Variants in TMEM232 observed in about 807,000 individuals in gnomAD.
TMEM232 encodes the protein transmembrane protein 232.
TMEM232 carries 80 observed loss-of-function variants against 78.8 expected under a neutral mutation model. The ratio of observed to expected loss-of-function variants is 1.01; its 90% CI spans 0.85 to 1.22. The LOEUF (loss-of-function observed/expected upper bound fraction) is 1.22. Ranked by LOEUF, TMEM232 falls within the 50% of genes most tolerant of loss-of-function variation. The pLI is 0.00. For synonymous variants in TMEM232, 297 were observed against 254.3 expected (o/e 1.17, Z -1.60); for missense variants, 881 against 742.2 (o/e 1.19, Z -2.17).
chr5:110,529,161 A>G (rs1382136541), intron 11 of TMEM232, among the ~76,000 whole-genome samples: 1 of 152,210 alleles, frequency 6.6e-6, no homozygotes, highest in African/African-American at 2.4e-5. Context: ...TAAGAAATTA[A>G]GCAATCAGTT....
chr5:110,394,800 T>A (rs757408563), intron 3 of TMEM232, among the ~76,000 whole-genome samples: 2 of 152,202 alleles, frequency 1.3e-5, no homozygotes, highest in Non-Finnish European at 2.9e-5. Flanking sequence ...AGAGGGCTTT[T>A]TCTGAAAGAG....
At chr5:110,593,090 C>T (rs1779723393) in intron 10 of TMEM232, among the ~76,000 whole-genome samples, 1 of 152,006 alleles carries the variant, frequency 6.6e-6, no homozygotes, top group African/African-American at 2.4e-5. Flanking sequence ...AAACAATGAC[C>T]AAGAATGACT....
intron 12 of TMEM232, among the ~76,000 whole-genome samples, chr5:110,494,098 A>C (rs969020253): frequency 1.3e-5 from 2 of 151,676 alleles, no homozygotes; most frequent in Non-Finnish European, 2.9e-5. Flanking sequence ...ACATGAACTC[A>C]CCCTTTTTAT....
chr5:110,684,216 A>AT (rs1793115075), intron 1 of TMEM232, among the ~76,000 whole-genome samples: 1 of 152,036 alleles, frequency 6.6e-6, no homozygotes, highest in Non-Finnish European at 1.5e-5. Context: ...AGTCAAGAAT[A>AT]ACCTTAAAAA....
At chr5:110,475,273 A>G (rs1258920240) in intron 12 of TMEM232, among the ~76,000 whole-genome samples, 2 of 151,890 alleles carry the variant, frequency 1.3e-5, no homozygotes, top group African/African-American at 4.8e-5. Context: ...AGGAAAGGCT[A>G]TATTTTTAGT....
At chr5:110,696,374 T>A (rs1794782773) in intron 1 of TMEM232, among the ~76,000 whole-genome samples, 1 of 152,152 alleles carries the variant, frequency 6.6e-6, no homozygotes, top group Non-Finnish European at 1.5e-5. Flanking sequence ...CTGGAAGCAT[T>A]CCCTTTGAAA....
At chr5:110,413,572 C>T (rs1009770193) in intron 2 of TMEM232, among the ~76,000 whole-genome samples, 1 of 152,120 alleles carries the variant, frequency 6.6e-6, no homozygotes, top group African/African-American at 2.4e-5. Flanking sequence ...ATAATCTGGA[C>T]CAAACTTATC....
At chr5:110,705,411 T>C (rs1561544283) in intron 1 of TMEM232, among the ~76,000 whole-genome samples, 2 of 152,012 alleles carry the variant, frequency 1.3e-5, no homozygotes, top group Non-Finnish European at 2.9e-5. Flanking sequence ...TCAGAAGGAA[T>C]ATAAGGGTTG....
chr5:110,695,509 C>T (rs1471006872), intron 1 of TMEM232, among the ~76,000 whole-genome samples: 4 of 151,952 alleles, frequency 2.6e-5, no homozygotes, highest in Non-Finnish European at 4.4e-5. Context: ...TCAATGAATC[C>T]AGGAGCTGGT....
At chr5:110,465,784 C>T (rs889909000) in intron 12 of TMEM232, among the ~76,000 whole-genome samples, 3 of 152,044 alleles carry the variant, frequency 2.0e-5, no homozygotes, top group African/African-American at 7.2e-5. Flanking sequence ...AGTTATTGCT[C>T]CTACATGGAA....
intron 10 of TMEM232, among the ~76,000 whole-genome samples, chr5:110,595,507 C>A (rs1470564734): frequency 6.6e-6 from 1 of 152,008 alleles, no homozygotes; most frequent in Admixed American, 6.6e-5. Flanking sequence ...TAACCCAATA[C>A]AAGGAAACTA....
intron 12 of TMEM232, among the ~76,000 whole-genome samples, chr5:110,506,750 A>G (rs1766953926): frequency 6.6e-6 from 1 of 152,166 alleles, no homozygotes; most frequent in African/African-American, 2.4e-5. Flanking sequence ...AAACCCATTG[A>G]GTCAGGGTTG....
chr5:110,702,972 T>C (rs910680627), intron 1 of TMEM232, among the ~76,000 whole-genome samples: 4 of 152,014 alleles, frequency 2.6e-5, no homozygotes, highest in African/African-American at 7.2e-5. Context: ...CTAGCAAACA[T>C]AGCTGTCAGG....
At chr5:110,615,248 T>C (rs1021872289) in intron 8 of TMEM232, among the ~76,000 whole-genome samples, 6 of 151,998 alleles carry the variant, frequency 3.9e-5, no homozygotes, top group Non-Finnish European at 7.4e-5. Context: ...GGTCTACAGT[T>C]GATTCTGAGG....
intron 5 of TMEM232, among the ~76,000 whole-genome samples, chr5:110,633,657 GC>G (rs1221971141): frequency 2.0e-5 from 3 of 152,072 alleles, no homozygotes; most frequent in Admixed American, 6.6e-5. Context: ...GAAGGCCCTT[GC>G]TTCTTCTTCA....
chr5:110,399,107 C>A (rs1755497482), intron 2 of TMEM232, among the ~76,000 whole-genome samples: 1 of 151,918 alleles, frequency 6.6e-6, no homozygotes, highest in Non-Finnish European at 1.5e-5. Context: ...CCACGAAGAA[C>A]CCTGAATGAC....
At chr5:110,613,850 G>T (rs1561387742) in intron 8 of TMEM232, among the ~76,000 whole-genome samples, 1 of 151,786 alleles carries the variant, frequency 6.6e-6, no homozygotes, top group Non-Finnish European at 1.5e-5. Flanking sequence ...AACCTATACA[G>T]GCCTTTATAT....
chr5:110,479,527 T>C (rs903895011), intron 12 of TMEM232, among the ~76,000 whole-genome samples: 2 of 151,912 alleles, frequency 1.3e-5, no homozygotes, highest in Non-Finnish European at 2.9e-5. Context: ...TTTTTAACTT[T>C]ATACAAACTG....
intron 12 of TMEM232, among the ~76,000 whole-genome samples, chr5:110,453,066 C>A (rs538021797): frequency 6.6e-6 from 1 of 152,246 alleles, no homozygotes; most frequent in South Asian, 2.1e-4. Flanking sequence ...ATTGTTATAA[C>A]AGTGACAGTG....
Sources: allele counts gnomAD v4.1 joint callset (sites outside exome capture counted in the v4.1 genomes callset), GRCh38; gene constraint gnomAD v4.1.1; transcripts MANE v1.5; gene names NCBI Gene and HGNC (gene_info 2026-07-23, HGNC 2026-07-21).